KIZ: variants seen among roughly 807,000 people sequenced by gnomAD.
KIZ encodes centrosomal protein kizuna.
A neutral mutation model predicts 79.6 loss-of-function variants in KIZ; 68 were observed. The ratio of observed to expected loss-of-function variants is 0.85; its 90% CI spans 0.70 to 1.05. The LOEUF (loss-of-function observed/expected upper bound fraction) is 1.05, where lower values mean the gene tolerates loss of function less well. KIZ is among the 50% of genes least tolerant of loss of function. The pLI, the probability that KIZ is intolerant of heterozygous loss-of-function variation, is 0.00. For synonymous variants in KIZ, 280 were observed against 281.8 expected (o/e 0.99, Z 0.06); for missense variants, 797 against 800.4 (o/e 1.00, Z 0.05).
chr20:21,230,152 C>G (rs2036788911), intron 10 of KIZ, among the ~76,000 whole-genome samples: 1 of 152,180 alleles, frequency 6.6e-6, no homozygotes, highest in Non-Finnish European at 1.5e-5. Flanking sequence ...AATTCCCAGT[C>G]CATATTCAGA....
rs1457397249 is a variant in KIZ, at chr20:21,162,853, A to G, written c.1046A>G (p.His349Arg). ...KHSPWEGVSD[H>R]LAHREPKSQK... ...CAGTTCATGTCGCCACTTGCAGATC[A>G]TCTTGCTCACAGGGAACCAAAGTCA... Residue 349 changes from histidine (H) to arginine (R), a missense_variant, in exon 6 of 13, where the codon CAT becomes CGT. His to Arg is a conservative substitution (Grantham distance 29). Transcript: ENST00000619189. 1.2e-6 allele frequency: 2 copies of G among 1,611,406 alleles called. No homozygotes were observed. The highest frequency in any genetic ancestry group is 2.2e-5 in the South Asian group (2 of 90,678).
intron 1 of KIZ, among the ~76,000 whole-genome samples, chr20:21,128,602 C>G (rs1365165398): frequency 6.6e-6 from 1 of 152,148 alleles, no homozygotes; most frequent in Non-Finnish European, 1.5e-5. Flanking sequence ...TGAATGTTTT[C>G]CTATGTGTGT....
chr20:21,172,943 T>C (rs911735371), intron 6 of KIZ, among the ~76,000 whole-genome samples: 1 of 152,140 alleles, frequency 6.6e-6, no homozygotes, highest in African/African-American at 2.4e-5. Flanking sequence ...GGCCATGCAG[T>C]GGGGGCATAC....
At chr20:21,205,413 C>A (rs935579637) in intron 6 of KIZ, 78 bp from the exon 7 acceptor site, 4 of 599,554 alleles carry the variant, frequency 6.7e-6, no homozygotes, top group African/African-American at 3.9e-5. Context: ...CTTCTACTAA[C>A]GTAATTGAGG....
chr20:21,245,509 T>A (rs1051615231), intron 12 of KIZ: 7 of 152,344 alleles, frequency 4.6e-5, no homozygotes, highest in Middle Eastern at 3.4e-3. Flanking sequence ...GAGGATGAGA[T>A]GGGGTTGTGT....
intron 6 of KIZ, among the ~76,000 whole-genome samples, chr20:21,193,040 C>A (rs1272677933): frequency 3.3e-5 from 5 of 152,072 alleles, no homozygotes; most frequent in Non-Finnish European, 7.3e-5. Flanking sequence ...ACAATTGCAT[C>A]CTGTGCTTTG....
chr20:21,185,072 G>A (rs1023415012), intron 6 of KIZ, among the ~76,000 whole-genome samples: 1 of 152,104 alleles, frequency 6.6e-6, no homozygotes, highest in Admixed American at 6.5e-5. Flanking sequence ...TTGTGTGTGT[G>A]TGTGTCTGTG....
chr20:21,172,409 C>T (rs902948561), intron 6 of KIZ, among the ~76,000 whole-genome samples: 4 of 152,056 alleles, frequency 2.6e-5, no homozygotes, highest in African/African-American at 4.8e-5. Context: ...TCGAGACCAG[C>T]CTGGGCAACG....
intron 6 of KIZ, among the ~76,000 whole-genome samples, chr20:21,201,458 T>A (rs530596897): frequency 6.6e-6 from 1 of 152,222 alleles, no homozygotes; most frequent in African/African-American, 2.4e-5. Context: ...CCAATTGTGT[T>A]CTTATGCTCA....
chr20:21,185,457 T>G (rs542896530), intron 6 of KIZ, among the ~76,000 whole-genome samples: 111 of 148,400 alleles, frequency 7.5e-4, no homozygotes, highest in Non-Finnish European at 1.3e-3. Flanking sequence ...TCACCCAGGC[T>G]GGAATGCAGT....
intron 6 of KIZ, among the ~76,000 whole-genome samples, chr20:21,193,422 TTC>T (rs1447739917): frequency 2.0e-5 from 3 of 152,162 alleles, no homozygotes; most frequent in Non-Finnish European, 4.4e-5. Context: ...CCAGCACTTT[TTC>T]TCTCTTACTC....
chr20:21,240,167 C>T (rs1445393076), intron 11 of KIZ, among the ~76,000 whole-genome samples: 2 of 152,116 alleles, frequency 1.3e-5, no homozygotes, highest in Non-Finnish European at 2.9e-5. Context: ...CTCTGTCACC[C>T]AGGCTGGAGT....
chr20:21,137,312 C>G (rs2032249851), intron 3 of KIZ, among the ~76,000 whole-genome samples: 1 of 152,084 alleles, frequency 6.6e-6, no homozygotes, highest in Non-Finnish European at 1.5e-5. Flanking sequence ...TGGCTTCCTG[C>G]TGCTCCACAA....
In KIZ at chr20:21,238,366, TGA is replaced by T. The variant is rs1555889306; in HGVS notation, c.1880+5540_1880+5541del. 4.7e-5 allele frequency among the ~76,000 whole-genome samples: 7 copies of T among 150,200 alleles called. No homozygotes were observed. In the East Asian group the frequency reaches 1.4e-3, roughly 29 times the overall value. ...GAGAGAGAGAGAGTGTGTGTGTGTG[TGA>T]GAGGGTGTGAGTGTGTGAGAGAGTG... On this transcript the variant is annotated intron_variant, in intron 11 of 12. Transcript: ENST00000619189.
chr20:21,173,007 T>C (rs1416340985), intron 6 of KIZ, among the ~76,000 whole-genome samples: 1 of 152,070 alleles, frequency 6.6e-6, no homozygotes, highest in Non-Finnish European at 1.5e-5. Flanking sequence ...CGAACAGGTG[T>C]TGGGGAGACG....
intron 9 of KIZ, among the ~76,000 whole-genome samples, chr20:21,227,665 ATGTT>A (rs1186816698): frequency 6.6e-6 from 1 of 152,164 alleles, no homozygotes; most frequent in Non-Finnish European, 1.5e-5. Flanking sequence ...AGTAACATGG[ATGTT>A]AGGATTAGCC....
chr20:21,241,821 T>C (rs2037226945), intron 11 of KIZ, among the ~76,000 whole-genome samples: 1 of 152,252 alleles, frequency 6.6e-6, no homozygotes, highest in Non-Finnish European at 1.5e-5. Context: ...GATGTTCTCA[T>C]GTGTCTGTGT....
chr20:21,163,374 C>CT (rs2033787044), intron 6 of KIZ, among the ~76,000 whole-genome samples: 1 of 152,072 alleles, frequency 6.6e-6, no homozygotes, highest in South Asian at 2.1e-4. Context: ...GACAAAAAAA[C>CT]TTTAAAAGTT....
intron 6 of KIZ, among the ~76,000 whole-genome samples, chr20:21,168,709 A>G (rs1282907365): frequency 6.6e-6 from 1 of 152,246 alleles, no homozygotes; most frequent in Non-Finnish European, 1.5e-5. Flanking sequence ...TAACCAAAAC[A>G]GCATGGTACT....
Sources: gnomAD v4.1 joint callset for allele counts (sites outside exome capture counted in the v4.1 genomes callset) on GRCh38, gnomAD v4.1.1 for gene constraint, MANE v1.5 for transcripts, NCBI Gene and HGNC (gene_info 2026-07-23, HGNC 2026-07-21) for gene names.